The following GRID2 variants were observed in gnomAD, a reference collection of about 807,000 sequenced individuals.
GRID2 encodes glutamate receptor ionotropic, delta-2.
A neutral mutation model predicts 114.8 loss-of-function variants in GRID2; 33 were observed. The observed-to-expected ratio is 0.29, with a 90% CI of 0.22 to 0.38. The LOEUF (loss-of-function observed/expected upper bound fraction) is 0.38. Among genes scored for constraint, GRID2 ranks in the 10% least tolerant of loss-of-function variants. GRID2 has a pLI of 1.00. For synonymous variants in GRID2, 505 were observed against 449.9 expected (o/e 1.12, Z -1.55); for missense variants, 1,184 against 1,257.7 (o/e 0.94, Z 0.89).
intron 10 of GRID2, among the ~76,000 whole-genome samples, chr4:93,437,240 T>C (rs929027907): frequency 6.6e-6 from 1 of 152,150 alleles, no homozygotes; most frequent in African/African-American, 2.4e-5. Flanking sequence ...GTACTACTAT[T>C]ATCTCAATGT....
At chr4:93,784,794 A>C (rs1734559020) in intron 1 of GRID2, among the ~76,000 whole-genome samples, 1 of 152,128 alleles carries the variant, frequency 6.6e-6, no homozygotes, top group Non-Finnish European at 1.5e-5. Flanking sequence ...AAAGTGATAC[A>C]ATGTATTACA....
At chr4:93,666,498 C>T (rs1038039509) in intron 14 of GRID2, among the ~76,000 whole-genome samples, 4 of 151,934 alleles carry the variant, frequency 2.6e-5, no homozygotes, top group Admixed American at 6.6e-5. Context: ...TTGAAGAGTG[C>T]AATAATTATT....
chr4:93,410,057 T>G (rs1190956128), intron 9 of GRID2, among the ~76,000 whole-genome samples: 1 of 152,206 alleles, frequency 6.6e-6, no homozygotes, highest in Non-Finnish European at 1.5e-5. Context: ...TCAAGTTATG[T>G]GAACTATATT....
chr4:92,704,222 G>A (rs556069125), intron 2 of GRID2, among the ~76,000 whole-genome samples: 101 of 152,256 alleles, frequency 6.6e-4, no homozygotes, highest in African/African-American at 2.4e-3. Flanking sequence ...AGCTTGCAGT[G>A]AGCCGAGATC....
chr4:92,590,392 G>C, intron 2 of GRID2, 106 bp downstream of exon 2: 1 of 759,514 alleles, frequency 1.3e-6, no homozygotes. Flanking sequence ...GTATCTTGTT[G>C]ATAATAGGGC....
intron 11 of GRID2, among the ~76,000 whole-genome samples, chr4:93,471,175 G>A (rs1392026516): frequency 2.0e-5 from 3 of 152,066 alleles, no homozygotes; most frequent in East Asian, 1.9e-4. Flanking sequence ...CAAACCTCAC[G>A]GATAAAACTT....
intron 2 of GRID2, among the ~76,000 whole-genome samples, chr4:92,892,956 T>C (rs919023184): frequency 6.6e-6 from 1 of 152,210 alleles, no homozygotes; most frequent in Admixed American, 6.5e-5. Flanking sequence ...ACATGAAATA[T>C]GAATTCTAAA....
At chr4:92,429,367 C>G (rs1024759782) in intron 1 of GRID2, among the ~76,000 whole-genome samples, 1 of 152,150 alleles carries the variant, frequency 6.6e-6, no homozygotes, top group African/African-American at 2.4e-5. Context: ...CTGCGCCTGG[C>G]TTATTTCACT....
chr4:93,143,837 G>A (rs1244597515), intron 4 of GRID2, among the ~76,000 whole-genome samples: 4 of 152,030 alleles, frequency 2.6e-5, no homozygotes, highest in Admixed American at 6.5e-5. Context: ...AATACATTTC[G>A]TTTGCCTATC....
At position 93,343,673 on chromosome 4, in the gene GRID2, C is replaced by CA. The variant is rs956910704; in HGVS notation, c.1246-51927dup. 3.4e-3 allele frequency among the ~76,000 whole-genome samples: 335 copies of CA among 97,268 alleles called. 3 individuals are homozygous for CA. The highest frequency in any genetic ancestry group is 0.014 in the African/African-American group (316 of 22,830). 63.8% of individuals were successfully genotyped at this position (97,268 alleles called of 152,430 possible). ...TGATTCCTTTGTTCTGATTATTCAT[C>CA]AAAAAAATTTTTTTAAATGTTTGGT... On this transcript the variant is annotated intron_variant, in intron 8 of 15. Coordinates refer to ENST00000282020, the MANE Select transcript of GRID2 (RefSeq NM_001510.4).
chr4:93,510,032 G>A (rs1024906613), intron 12 of GRID2, among the ~76,000 whole-genome samples: 1 of 152,076 alleles, frequency 6.6e-6, no homozygotes, highest in African/African-American at 2.4e-5. Flanking sequence ...AGAATAGGGG[G>A]GAACCTAAAC....
At chr4:92,877,931 A>T (rs991123453) in intron 2 of GRID2, among the ~76,000 whole-genome samples, 4 of 152,134 alleles carry the variant, frequency 2.6e-5, no homozygotes, top group Non-Finnish European at 5.9e-5. Flanking sequence ...AGAGTTGGAG[A>T]CCAGAAAAGA....
rs370898330 is a variant in GRID2 at position 93,212,058 on chromosome 4, GA to G, written c.789+4611del. 8.0e-3 allele frequency among the ~76,000 whole-genome samples: 1,164 copies of G among 144,900 alleles called. 11 individuals carry two copies. Among genetic ancestry groups the G allele is most frequent in the South Asian group, 0.028 (130 of 4,618 alleles). ...ATAATTTTCCCTAGTTTCTATAAAAGAAAAAAAAAACATGGATTTCTCAATA... is the reference window on the plus strand; with the variant it reads ...ATAATTTTCCCTAGTTTCTATAAAAGAAAAAAAAACATGGATTTCTCAATA... On this transcript the variant is annotated intron_variant, in intron 5 of 15. Coordinates refer to ENST00000282020, the MANE Select transcript of GRID2 (RefSeq NM_001510.4).
chr4:93,255,994 T>A (rs1749539559), intron 8 of GRID2, among the ~76,000 whole-genome samples: 1 of 152,124 alleles, frequency 6.6e-6, no homozygotes, highest in Non-Finnish European at 1.5e-5. Context: ...CTTATAAAAA[T>A]TGCTCACATT....
chr4:92,712,499 A>G (rs1331472646), intron 2 of GRID2, among the ~76,000 whole-genome samples: 2 of 152,160 alleles, frequency 1.3e-5, no homozygotes, highest in South Asian at 2.1e-4. Flanking sequence ...ATTAACAATT[A>G]TGGTTTCTAA....
chr4:93,527,687 A>T (rs923171269), intron 13 of GRID2, among the ~76,000 whole-genome samples: 1 of 152,060 alleles, frequency 6.6e-6, no homozygotes, highest in Non-Finnish European at 1.5e-5. Flanking sequence ...TTTAAATTTT[A>T]TTTATTTTTT....
intron 2 of GRID2, among the ~76,000 whole-genome samples, chr4:92,807,635 C>T (rs1429975633): frequency 6.6e-6 from 1 of 151,838 alleles, no homozygotes; most frequent in East Asian, 1.9e-4. Context: ...ATTAATTTAC[C>T]ATATATGCAG....
At chr4:93,351,928 C>T (rs1286320225) in intron 8 of GRID2, among the ~76,000 whole-genome samples, 1 of 152,016 alleles carries the variant, frequency 6.6e-6, no homozygotes, top group East Asian at 1.9e-4. Context: ...ACATTAACAG[C>T]TCCCAATGGA....
chr4:92,755,850 A>G (rs976312567), intron 2 of GRID2, among the ~76,000 whole-genome samples: 1 of 152,148 alleles, frequency 6.6e-6, no homozygotes, highest in African/African-American at 2.4e-5. Flanking sequence ...TGATACATAA[A>G]ATTTGTTCAT....
Sources: gnomAD v4.1 joint callset for allele counts (sites outside exome capture counted in the v4.1 genomes callset) on GRCh38, gnomAD v4.1.1 for gene constraint, MANE v1.5 for transcripts, NCBI Gene and HGNC (gene_info 2026-07-23, HGNC 2026-07-21) for gene names.